BTBD10: variants seen among roughly 807,000 people sequenced by gnomAD.
BTBD10 encodes the protein BTB domain containing 10, also known as BTB/POZ domain-containing protein 10.
In BTBD10, 21 loss-of-function variants were observed where a neutral mutation model predicts 53.2. That is an observed-to-expected ratio of 0.39 (90% CI 0.28 to 0.57). The LOEUF is 0.57. Ranked by LOEUF, BTBD10 falls within the 20% of genes least tolerant of loss-of-function variation. The pLI, the probability that BTBD10 is intolerant of heterozygous loss-of-function variation, is 0.53. For missense variants in BTBD10, 360 were observed against 594.7 expected (o/e 0.61, Z 4.10); for synonymous variants, 149 against 192.7 (o/e 0.77, Z 1.88).
At chr11:13,443,462 T>C (rs1467338535) in intron 2 of BTBD10, among the ~76,000 whole-genome samples, 3 of 152,106 alleles carry the variant, frequency 2.0e-5, no homozygotes, top group East Asian at 1.9e-4. Flanking sequence ...TGCAGTATTA[T>C]ACCTTAGCAA....
intron 8 of BTBD10, among the ~76,000 whole-genome samples, chr11:13,389,667 AT>A (rs1949355651): frequency 6.6e-6 from 1 of 152,136 alleles, no homozygotes; most frequent in Non-Finnish European, 1.5e-5. Context: ...ACCTCAAGTG[AT>A]CTGCCTCGGC....
chr11:13,449,744 T>C (rs966349561), intron 1 of BTBD10, among the ~76,000 whole-genome samples: 3 of 152,324 alleles, frequency 2.0e-5, no homozygotes, highest in Non-Finnish European at 4.4e-5. Context: ...TCATCTATGA[T>C]AGAAGGTAGA....
In BTBD10 at chr11:13,421,799, G is replaced by A. The variant is rs201471460; in HGVS notation, c.141C>T (p.Thr47=). The A allele has an allele frequency of 3.1e-6, 5 of 1,613,464 alleles. 1 individual carries two copies. The Admixed American group carries it at 8.3e-5, about 27-fold the overall frequency. Residue 47 remains threonine, a synonymous_variant, in exon 3 of 9, where the codon ACC becomes ACT. Coordinates refer to ENST00000278174, the MANE Select transcript of BTBD10 (RefSeq NM_032320.7). Reference sequence around the variant, plus strand: ...CACTAGCACCATGTAGACTCATTTTGGTGTGGTCAACTCCTCCTTTAGCAA... The same window carrying A: ...CACTAGCACCATGTAGACTCATTTTAGTGTGGTCAACTCCTCCTTTAGCAA... ...SRIAKGGVDH[T]KMSLHGASGG...
At chr11:13,454,569 T>C (rs1037829915) in intron 1 of BTBD10, among the ~76,000 whole-genome samples, 6 of 152,272 alleles carry the variant, frequency 3.9e-5, no homozygotes, top group Admixed American at 3.9e-4. Context: ...AAAATTAAAG[T>C]GGCCAGGTAT....
rs189265779 is a variant in BTBD10, at chr11:13,394,785, C to A, written c.1118-5644G>T. ...GTTCAATTCCCACCTATGAGTGAGA[C>A]CATGCGGTGTTTGGCTTTGTCCTTG... On this transcript the variant is annotated intron_variant, in intron 8 of 8. Transcript: ENST00000278174. Among the ~76,000 whole-genome samples the A allele has an allele frequency of 6.3e-3, 946 of 151,152 alleles. 12 individuals carry two copies. Among genetic ancestry groups the A allele is most frequent in the African/African-American group, 0.021 (880 of 41,196 alleles).
chr11:13,445,265 G>C, intron 1 of BTBD10, 84 bp from the exon 2 acceptor site: 1 of 490,882 alleles, frequency 2.0e-6, no homozygotes, highest in South Asian at 4.4e-5. Flanking sequence ...TGATATTATT[G>C]TGACATATTT....
At chr11:13,437,983 A>G (rs889776934) in intron 2 of BTBD10, among the ~76,000 whole-genome samples, 2 of 152,120 alleles carry the variant, frequency 1.3e-5, no homozygotes, top group Non-Finnish European at 2.9e-5. Context: ...CTATACTCAT[A>G]TTGGCCTTCA....
intron 8 of BTBD10, among the ~76,000 whole-genome samples, chr11:13,401,854 A>T (rs1368225636): frequency 6.6e-6 from 1 of 152,108 alleles, no homozygotes; most frequent in Admixed American, 6.5e-5. Flanking sequence ...GACCAACTAT[A>T]TCTCTTCAAA....
intron 5 of BTBD10, among the ~76,000 whole-genome samples, chr11:13,416,792 CACTGT>C (rs1367614490): frequency 2.0e-5 from 3 of 151,984 alleles, no homozygotes; most frequent in African/African-American, 7.3e-5. Flanking sequence ...GCCTAGGTAA[CACTGT>C]GAGACCTCGT....
In BTBD10 at chr11:13,460,548, T is replaced by C. The variant is rs76563425; in HGVS notation, c.-58+2544A>G. ...TTCCACACGTCATTAAACTCTACTA[T>C]GTATAAGGCACTAAGTTTAATCAAT... On this transcript the variant is annotated intron_variant, in intron 1 of 8. Coordinates refer to ENST00000278174, the MANE Select transcript of BTBD10 (RefSeq NM_032320.7). 5.2e-3 allele frequency among the ~76,000 whole-genome samples: 799 copies of C among 152,350 alleles called. 9 individuals are homozygous for C. The highest frequency in any genetic ancestry group is 0.018 in the African/African-American group (739 of 41,582).
At chr11:13,436,680 A>T (rs1950548710) in intron 2 of BTBD10, among the ~76,000 whole-genome samples, 1 of 152,194 alleles carries the variant, frequency 6.6e-6, no homozygotes, top group Non-Finnish European at 1.5e-5. Context: ...AACAAGTCTG[A>T]CTCAAACCAT....
chr11:13,445,031 G>A lies in BTBD10; in HGVS notation c.94C>T (p.His32Tyr), dbSNP rs765900115. Residue 32 changes from histidine to tyrosine, a missense_variant, in exon 2 of 9, where the codon CAT becomes TAT. This residue lies in a region of BTBD10 where 81 missense variants were observed against 82.6 expected (regional missense o/e 0.98). Transcript: ENST00000278174. Reference protein sequence around the residue: ...LHSRPRKLYKHSSTSSRIAKG... With the variant: ...LHSRPRKLYKYSSTSSRIAKG... ...TACATATTTTCTACCTACCTTGAAT[G>A]TTTATAAAGTTTACGAGGTCTACTA... The A allele has an allele frequency of 1.1e-5, 18 of 1,605,476 alleles. No individual in the cohort carries two copies. The highest frequency in any genetic ancestry group is 1.1e-4 in the African/African-American group (8 of 74,636).
intron 5 of BTBD10, among the ~76,000 whole-genome samples, chr11:13,414,351 C>T (rs1950040656): frequency 6.6e-6 from 1 of 151,958 alleles, no homozygotes; most frequent in African/African-American, 2.4e-5. Context: ...ACACTTTTTC[C>T]CCAAAATTAA....
chr11:13,442,299 G>A (rs975400225), intron 2 of BTBD10, among the ~76,000 whole-genome samples: 1 of 152,108 alleles, frequency 6.6e-6, no homozygotes, highest in Non-Finnish European at 1.5e-5. Flanking sequence ...TTCAAGCTGG[G>A]TGATGAATAC....
chr11:13,392,670 T>C (rs1019956637), intron 8 of BTBD10, among the ~76,000 whole-genome samples: 2 of 152,172 alleles, frequency 1.3e-5, no homozygotes, highest in African/African-American at 4.8e-5. Context: ...AGGTGAACTT[T>C]CAGTGATAAG....
intron 6 of BTBD10, 60 bp downstream of exon 6, chr11:13,413,470 C>T: frequency 6.9e-7 from 1 of 1,456,050 alleles, no homozygotes; most frequent in Non-Finnish European, 9.2e-7. Context: ...TAATTTCAGG[C>T]TTTTTGTTCC....
In BTBD10 at chr11:13,405,613, T is replaced by C. The variant is rs748613637; in HGVS notation, c.1006+46A>G. 5 of 1,600,978 alleles carry C rather than the reference T, an allele frequency of 3.1e-6. No homozygotes were observed. In the Admixed American group the frequency reaches 6.7e-5, roughly 21 times the overall value. On this transcript the variant is annotated intron_variant, in intron 7 of 8. Coordinates refer to ENST00000278174, the MANE Select transcript of BTBD10 (RefSeq NM_032320.7). ...AGCTCTTCTTTACATAAACAAGAAA[T>C]AATTCGTGATGATTCAGGGGAGAGA...
At chr11:13,458,065 G>A (rs1042041055) in intron 1 of BTBD10, among the ~76,000 whole-genome samples, 13 of 150,988 alleles carry the variant, frequency 8.6e-5, no homozygotes, top group Non-Finnish European at 1.8e-4. Context: ...TACTTGGGAG[G>A]CTGGGGTGAG....
intron 3 of BTBD10, 67 bp from the exon 4 acceptor site, chr11:13,419,812 T>C (rs1950206569): frequency 7.8e-7 from 1 of 1,283,442 alleles, no homozygotes; most frequent in Non-Finnish European, 1.1e-6. Flanking sequence ...TATATATATC[T>C]TTTTAAATGT....
Sources: gnomAD v4.1 joint callset for allele counts (sites outside exome capture counted in the v4.1 genomes callset) on GRCh38, gnomAD v4.1.1 for gene constraint, gnomAD v4.1.1 regional missense constraint, MANE v1.5 for transcripts, NCBI Gene and HGNC (gene_info 2026-07-23, HGNC 2026-07-21) for gene names.